C9orf152: variants seen among roughly 807,000 people sequenced by gnomAD.
The protein encoded by C9orf152 is chromosome 9 open reading frame 152, also known as uncharacterized protein C9orf152.
A neutral mutation model predicts 8.5 loss-of-function variants in C9orf152; 8 were observed. The observed-to-expected ratio is 0.94, with a 90% CI of 0.55 to 1.70. The LOEUF is 1.70. C9orf152 is among the 40% of genes most tolerant of loss of function. The pLI is 0.00. For missense variants in C9orf152, 293 were observed against 286.2 expected (o/e 1.02, Z -0.17); for synonymous variants, 109 against 113.0 (o/e 0.96, Z 0.22).
In C9orf152 at chr9:110,207,965, G is replaced by C; in HGVS notation, c.-386C>G. 4.6e-6 allele frequency: 1 copy of C among 215,134 alleles called. No individual in the cohort carries two copies. Among genetic ancestry groups the C allele is most frequent in the Non-Finnish European group, 9.1e-6 (1 of 110,030 alleles). 13.3% of individuals were successfully genotyped at this position (215,134 alleles called of 1,614,324 possible). A position where few individuals can be genotyped will look rare whatever the true frequency, so the allele number is the denominator to read the frequency against. Reference sequence around the variant, plus strand: ...GGCAGGAGGAGGCAGGGAAAGGAGTGATGGGGAGTGGGAGACCGAGAAGTA... The same window carrying C: ...GGCAGGAGGAGGCAGGGAAAGGAGTCATGGGGAGTGGGAGACCGAGAAGTA... On this transcript the variant is annotated 5_prime_UTR_variant, in exon 1 of 2. It adds an upstream start codon to the 5' untranslated region. Coordinates refer to ENST00000400613, the MANE Select transcript of C9orf152 (RefSeq NM_001012993.3).
intron 1 of C9orf152, among the ~76,000 whole-genome samples, chr9:110,204,433 A>C (rs1010071): frequency 0.29 from 43,306 of 151,946 alleles, 6,292 homozygotes; most frequent in Non-Finnish European, 0.3. Context: ...ACGCAACCCA[A>C]TGTCTTGAGA....
At position 110,207,543 on chromosome 9, in the gene C9orf152, GGGGCAGGGCTGGGCAC is replaced by G. The variant is rs1837287933; in HGVS notation, c.21_36del (p.Cys8ThrfsTer9). ...AAGTGAGACCTAAGCTGCCAGAAGT[GGGGCAGGGCTGGGCAC>G]GGGCAGGGCAACCCCTCCATCCGGA... On this transcript the variant is annotated frameshift_variant, in exon 1 of 2. Transcript: ENST00000400613. LOFTEE classifies it high-confidence loss of function. The G allele has an allele frequency of 6.2e-7, 1 of 1,605,996 alleles. No homozygotes were observed. Among genetic ancestry groups the G allele is most frequent in the Non-Finnish European group, 8.5e-7 (1 of 1,176,910 alleles).
Position 110,207,670 on chromosome 9 carries a change from T to G in C9orf152, c.-91A>C. The stretch of plus-strand genomic sequence containing the variant: ...GGGGGCAGTGAGGGAGAAGGAGAAG[T>G]GACGGGCAAAAGGAGGGTGGAAAGA... On this transcript the variant is annotated 5_prime_UTR_variant, in exon 1 of 2. Transcript: ENST00000400613. The G allele has an allele frequency of 1.0e-6, 1 of 973,656 alleles. No individual in the cohort carries two copies. The allele number at this position is 973,656 out of a possible 1,614,324, so 60.3% of individuals were successfully genotyped here.
chr9:110,201,535 G>C, intron 1 of C9orf152, 61 bp from the exon 2 acceptor site: 1 of 1,401,418 alleles, frequency 7.1e-7, no homozygotes, highest in East Asian at 2.3e-5. Context: ...CTCTCACTTA[G>C]GGGGTCTCAT....
chr9:110,206,250 G>T (rs1410446093), intron 1 of C9orf152, among the ~76,000 whole-genome samples: 3 of 152,114 alleles, frequency 2.0e-5, no homozygotes, highest in Non-Finnish European at 2.9e-5. Context: ...CGAGCACAGG[G>T]TATAGTGAAT....
intron 1 of C9orf152, among the ~76,000 whole-genome samples, chr9:110,202,906 A>G (rs1022159943): frequency 2.0e-5 from 3 of 151,724 alleles, no homozygotes; most frequent in African/African-American, 7.3e-5. Context: ...TCAGCCAACA[A>G]TTACTCTCCT....
Position 110,200,803 on chromosome 9 carries a change from T to A in C9orf152, c.*145A>T. ...GAAGGGTAAAACCATGTTACCATTGTGAAGTTCGTCTCCCACAATTCCTAT... is the reference window on the plus strand; with the variant it reads ...GAAGGGTAAAACCATGTTACCATTGAGAAGTTCGTCTCCCACAATTCCTAT... On this transcript the variant is annotated 3_prime_UTR_variant, in exon 2 of 2. Coordinates refer to ENST00000400613, the MANE Select transcript of C9orf152 (RefSeq NM_001012993.3). The A allele has an allele frequency of 1.2e-6, 1 of 822,624 alleles. No homozygotes were observed. The highest frequency in any genetic ancestry group is 2.5e-5 in the East Asian group (1 of 40,062). The allele number at this position is 822,624 out of a possible 1,614,324, so 51.0% of individuals were successfully genotyped here.
intron 1 of C9orf152, among the ~76,000 whole-genome samples, chr9:110,207,155 T>C (rs1330787214): frequency 2.6e-5 from 4 of 152,098 alleles, no homozygotes; most frequent in Non-Finnish European, 4.4e-5. Context: ...TCTAGCAAGA[T>C]TAGAACATCA....
chr9:110,203,943 G>A (rs539846202), intron 1 of C9orf152, among the ~76,000 whole-genome samples: 2 of 152,262 alleles, frequency 1.3e-5, no homozygotes, highest in South Asian at 2.1e-4. Flanking sequence ...GACCTTTGGT[G>A]GAACCTCTCT....
chr9:110,204,901 A>G (rs913864140), intron 1 of C9orf152, among the ~76,000 whole-genome samples: 1 of 152,214 alleles, frequency 6.6e-6, no homozygotes, highest in Non-Finnish European at 1.5e-5. Flanking sequence ...TTCACTCAGC[A>G]TAATGTCCTC....
chr9:110,204,455 A>C (rs1389643361), intron 1 of C9orf152, among the ~76,000 whole-genome samples: 1 of 152,096 alleles, frequency 6.6e-6, no homozygotes, highest in Non-Finnish European at 1.5e-5. Context: ...ATTGACTTCT[A>C]GCTTTAGTAG....
intron 1 of C9orf152, among the ~76,000 whole-genome samples, chr9:110,205,288 T>G (rs1288022963): frequency 6.6e-6 from 1 of 151,962 alleles, no homozygotes; most frequent in African/African-American, 2.4e-5. Context: ...ACAAAAAGCC[T>G]TTTTCTCCTG....
rs1837229653 is a variant in C9orf152 at position 110,202,094 on chromosome 9, T to TG, written c.194-621_194-620insC. Among the ~76,000 whole-genome samples, 8 of 151,344 alleles carry TG rather than the reference T, an allele frequency of 5.3e-5. No homozygotes were observed. The South Asian group carries it at 8.4e-4, about 16-fold the overall frequency. Reference sequence around the variant, plus strand: ...CTTTTTGTTTGTTTGTTTGTTTGTTTTTTTGAGACAGAGTCTCACTCTGTT... The same window carrying TG: ...CTTTTTGTTTGTTTGTTTGTTTGTTTGTTTTGAGACAGAGTCTCACTCTGTT... On this transcript the variant is annotated intron_variant, in intron 1 of 1. Transcript: ENST00000400613.
chr9:110,206,453 T>C (rs1432619752), intron 1 of C9orf152, among the ~76,000 whole-genome samples: 1 of 152,210 alleles, frequency 6.6e-6, no homozygotes, highest in Non-Finnish European at 1.5e-5. Context: ...AACCTTTCAG[T>C]TTATGCCCTG....
rs766987153 is a variant in C9orf152 at position 110,201,294 on chromosome 9, C to T, written c.374G>A (p.Cys125Tyr). The change falls in exon 2 of 2, where the codon TGT becomes TAT. Residue 125 changes from cysteine to tyrosine, a missense_variant. Cys to Tyr is a radical substitution (Grantham distance 194). Transcript: ENST00000400613. ...SPWHTHLEMH[C>Y]LVQTSPQDTS... Reference sequence around the variant, plus strand: ...GTCCTGGGGGGAGGTTTGGACCAAACAATGCATCTCCAGGTGCGTGTGCCA... The same window carrying T: ...GTCCTGGGGGGAGGTTTGGACCAAATAATGCATCTCCAGGTGCGTGTGCCA... The T allele has an allele frequency of 6.2e-7, 1 of 1,613,960 alleles. No individual in the cohort carries two copies. Among genetic ancestry groups the T allele is most frequent in the South Asian group, 1.1e-5 (1 of 91,054 alleles).
In C9orf152 at chr9:110,201,464, T is replaced by C. The variant is rs1243315056; in HGVS notation, c.204A>G (p.Thr68=). 2.0e-6 allele frequency: 3 copies of C among 1,509,776 alleles called. No individual in the cohort carries two copies. Among genetic ancestry groups the C allele is most frequent in the Non-Finnish European group, 2.6e-6 (3 of 1,137,600 alleles). The allele number at this position is 1,509,776 out of a possible 1,614,324, so 93.5% of individuals were successfully genotyped here. The change falls in exon 2 of 2, where the codon ACA becomes ACG. Residue 68 remains threonine (T), a synonymous_variant. Coordinates refer to ENST00000400613, the MANE Select transcript of C9orf152 (RefSeq NM_001012993.3). ...HLLVLPKGGN[T]PAPAESMVNA... is the part of the protein sequence containing the mutation. ...TGACCATCGATTCTGCAGGAGCAGG[T>C]GTGTTTCCTCCTGAAAAGAGAATGC... is the stretch of plus-strand genomic sequence containing the variant.
At chr9:110,203,503 GAGTT>G (rs1414825262) in intron 1 of C9orf152, among the ~76,000 whole-genome samples, 1 of 152,168 alleles carries the variant, frequency 6.6e-6, no homozygotes, top group Admixed American at 6.5e-5. Flanking sequence ...AAAGGAAAAA[GAGTT>G]AGGCTGGGAG....
Position 110,207,588 on chromosome 9 carries a change from G to C in C9orf152, c.-9C>G. ...CAGGGCAACCCCTCCATCCGGATCCGGGAGAAAAGCAAACACAGCTGGGTG... is the reference window on the plus strand; with the variant it reads ...CAGGGCAACCCCTCCATCCGGATCCCGGAGAAAAGCAAACACAGCTGGGTG... On this transcript the variant is annotated 5_prime_UTR_variant, in exon 1 of 2. Transcript: ENST00000400613. 4 of 1,571,654 alleles carry C rather than the reference G, an allele frequency of 2.5e-6. No individual in the cohort carries two copies. Among genetic ancestry groups the C allele is most frequent in the Non-Finnish European group, 3.4e-6 (4 of 1,162,408 alleles).
intron 1 of C9orf152, among the ~76,000 whole-genome samples, chr9:110,203,227 G>A (rs1187382813): frequency 1.3e-5 from 2 of 151,950 alleles, no homozygotes; most frequent in African/African-American, 2.4e-5. Flanking sequence ...GTTTCACTGT[G>A]TTAGCCAGGA....
Sources: gnomAD v4.1 joint callset for allele counts (sites outside exome capture counted in the v4.1 genomes callset) on GRCh38, gnomAD v4.1.1 for gene constraint, MANE v1.5 for transcripts, NCBI Gene and HGNC (gene_info 2026-07-23, HGNC 2026-07-21) for gene names.